CGNL1: variants seen among roughly 807,000 people sequenced by gnomAD.
CGNL1 encodes cingulin-like protein 1.
CGNL1 carries 132 observed loss-of-function variants against 141.2 expected under a neutral mutation model. The ratio of observed to expected loss-of-function variants is 0.93; its 90% confidence interval spans 0.81 to 1.08. The LOEUF is 1.08. Among genes scored for constraint, CGNL1 ranks in the 50% least tolerant of loss-of-function variants. The pLI is 0.00. For synonymous variants in CGNL1, 690 were observed against 622.1 expected (o/e 1.11, Z -1.63); for missense variants, 1,870 against 1,588.6 (o/e 1.18, Z -3.01).
At chr15:57,413,102 A>G (rs12904996) in intron 1 of CGNL1, among the ~76,000 whole-genome samples, 152,050 of 152,236 alleles carry the variant, frequency 1, 75,932 homozygotes, top group Middle Eastern at 1. Flanking sequence ...CCCGTGATCC[A>G]CTCACCTTGG....
At chr15:57,545,974 A>G in intron 17 of CGNL1, 102 bp from the exon 18 acceptor site, 2 of 1,336,996 alleles carry the variant, frequency 1.5e-6, no homozygotes, top group South Asian at 2.8e-5. Flanking sequence ...CCCATTGCCC[A>G]TGTCTTGGTT....
chr15:57,418,691 G>C (rs1335377632), intron 1 of CGNL1, among the ~76,000 whole-genome samples: 2 of 152,148 alleles, frequency 1.3e-5, no homozygotes, highest in Admixed American at 1.3e-4. Context: ...TTCTCTTTAT[G>C]TACCTGTGAT....
At chr15:57,509,788 G>C (rs1425061188) in intron 8 of CGNL1, among the ~76,000 whole-genome samples, 1 of 152,130 alleles carries the variant, frequency 6.6e-6, no homozygotes, top group Non-Finnish European at 1.5e-5. Context: ...TTTAAAATTG[G>C]TAATTGGAGC....
At chr15:57,486,823 G>C (rs548340508) in intron 8 of CGNL1, among the ~76,000 whole-genome samples, 1 of 152,298 alleles carries the variant, frequency 6.6e-6, no homozygotes, top group Non-Finnish European at 1.5e-5. Flanking sequence ...ACTGATTTTG[G>C]TTGGGCCCAA....
chr15:57,472,340 G>A (rs1189637956), intron 8 of CGNL1, among the ~76,000 whole-genome samples: 2 of 152,116 alleles, frequency 1.3e-5, no homozygotes, highest in African/African-American at 4.8e-5. Context: ...TGAAAGTCTG[G>A]TATGAGAGGA....
intron 8 of CGNL1, among the ~76,000 whole-genome samples, chr15:57,465,657 A>G (rs1486752236): frequency 6.6e-6 from 1 of 152,084 alleles, no homozygotes; most frequent in Non-Finnish European, 1.5e-5. Context: ...TCCCCAAAAA[A>G]AAAGGACATT....
At chr15:57,516,030 G>A (rs1255469011) in intron 8 of CGNL1, among the ~76,000 whole-genome samples, 3 of 151,762 alleles carry the variant, frequency 2.0e-5, no homozygotes, top group East Asian at 1.9e-4. Flanking sequence ...GTGGTGGCGG[G>A]CGCCTGTAGT....
intron 1 of CGNL1, among the ~76,000 whole-genome samples, chr15:57,413,857 C>G (rs1330173323): frequency 6.6e-6 from 1 of 152,182 alleles, no homozygotes; most frequent in African/African-American, 2.4e-5. Context: ...TTTCATCCCC[C>G]AGTGTCGGCA....
chr15:57,466,857 G>C (rs1464731817), intron 8 of CGNL1, among the ~76,000 whole-genome samples: 1 of 152,170 alleles, frequency 6.6e-6, no homozygotes, highest in East Asian at 1.9e-4. Context: ...TTGCATCTAA[G>C]AGTTGCAAGT....
At chr15:57,389,102 T>C (rs1175879055) in intron 1 of CGNL1, among the ~76,000 whole-genome samples, 2 of 152,254 alleles carry the variant, frequency 1.3e-5, no homozygotes, top group Non-Finnish European at 2.9e-5. Context: ...TCGTGATCAG[T>C]GGCTGCACCT....
At chr15:57,541,534 A>T (rs1216537932) in intron 14 of CGNL1, among the ~76,000 whole-genome samples, 3 of 152,194 alleles carry the variant, frequency 2.0e-5, no homozygotes, top group African/African-American at 4.8e-5. Flanking sequence ...GCAGAGTGGG[A>T]GCGGGCCTGA....
At chr15:57,509,248 G>A (rs999374755) in intron 8 of CGNL1, among the ~76,000 whole-genome samples, 1 of 152,174 alleles carries the variant, frequency 6.6e-6, no homozygotes, top group South Asian at 2.1e-4. Context: ...GGAGCGTGGG[G>A]GTGGCCAGCG....
chr15:57,543,418 C>T lies in CGNL1; in HGVS notation c.3292-278C>T, dbSNP rs572425807. On this transcript the variant is annotated intron_variant, in intron 14 of 18. Transcript: ENST00000281282. ...ACGGCAGAGGTACTGGGGATTAGGGCGTCAACATATCTTTTTGAGGGGACA... is the reference window on the plus strand; with the variant it reads ...ACGGCAGAGGTACTGGGGATTAGGGTGTCAACATATCTTTTTGAGGGGACA... Among the ~76,000 whole-genome samples, 41 of 152,284 alleles carry T rather than the reference C, an allele frequency of 2.7e-4. No individual in the cohort carries two copies. The South Asian group carries it at 6.2e-3, about 23-fold the overall frequency.
chr15:57,532,441 CT>C (rs1443484616), intron 14 of CGNL1, among the ~76,000 whole-genome samples: 1 of 152,188 alleles, frequency 6.6e-6, no homozygotes, highest in Non-Finnish European at 1.5e-5. Flanking sequence ...CTCAAAGCCC[CT>C]CTGAACCTTC....
chr15:57,453,635 T>C (rs775783133), intron 6 of CGNL1, 48 bp from the exon 7 acceptor site: 67 of 1,607,968 alleles, frequency 4.2e-5, no homozygotes, highest in South Asian at 1.9e-4. Flanking sequence ...TGGATGGAAA[T>C]AAGCAGAGCC....
chr15:57,527,912 T>G (rs752789454), intron 12 of CGNL1, among the ~76,000 whole-genome samples: 4 of 152,170 alleles, frequency 2.6e-5, no homozygotes, highest in Non-Finnish European at 5.9e-5. Context: ...CTGGGAAACA[T>G]GTATTTAGTT....
chr15:57,519,190 G>T (rs72739798), intron 10 of CGNL1, among the ~76,000 whole-genome samples: 1 of 152,160 alleles, frequency 6.6e-6, no homozygotes, highest in Non-Finnish European at 1.5e-5. Context: ...GGTGATGCAG[G>T]TGTGTCCTTC....
chr15:57,501,313 G>A (rs1051549135), intron 8 of CGNL1, among the ~76,000 whole-genome samples: 1 of 152,200 alleles, frequency 6.6e-6, no homozygotes, highest in Non-Finnish European at 1.5e-5. Context: ...TAGAAGCAAA[G>A]GATTATAACA....
At chr15:57,527,166 C>G (rs2031665717) in intron 12 of CGNL1, 1 of 152,144 alleles carries the variant, frequency 6.6e-6, no homozygotes, top group South Asian at 2.1e-4. Flanking sequence ...CATGTACTTT[C>G]TGTCATGGTA....
Sources: gnomAD v4.1 joint callset for allele counts (sites outside exome capture counted in the v4.1 genomes callset) on GRCh38, gnomAD v4.1.1 for gene constraint, MANE v1.5 for transcripts, NCBI Gene and HGNC (gene_info 2026-07-23, HGNC 2026-07-21) for gene names.